Variants in PCDHA9 observed in about 807,000 individuals in gnomAD.
PCDHA9 encodes protocadherin alpha-9.
In PCDHA9, 62 loss-of-function variants were observed where a neutral mutation model predicts 62.0. The ratio of observed to expected loss-of-function variants is 1.00; its 90% confidence interval spans 0.81 to 1.23. PCDHA9 has a LOEUF of 1.23. PCDHA9 is among the 50% of genes most tolerant of loss of function. The pLI, the probability that PCDHA9 is intolerant of heterozygous loss-of-function variation, is 0.00. For missense variants in PCDHA9, 1,205 were observed against 1,249.8 expected (o/e 0.96, Z 0.54); for synonymous variants, 557 against 567.6 (o/e 0.98, Z 0.27).
rs530482397 is a variant in PCDHA9, at chr5:140,923,460, T to C, written c.2395-55489T>C. ...GGAGGATCACCTGAGCCCAGAGAGG[T>C]AGGGGCTGCAGTGAGCCATCTTCAC... On this transcript the variant is annotated intron_variant, in intron 1 of 3. Coordinates refer to ENST00000532602, the MANE Select transcript of PCDHA9 (RefSeq NM_031857.2). Among the ~76,000 whole-genome samples, 704 of 151,994 alleles carry C rather than the reference T, an allele frequency of 4.6e-3. 3 individuals carry two copies. Among genetic ancestry groups the C allele is most frequent in the African/African-American group, 0.016 (681 of 41,446 alleles).
In PCDHA9 at chr5:140,857,556, T is replaced by C. The variant is rs781993692; in HGVS notation, c.2394+6667T>C. ...GAGCGGCGGTTGGGCGAGCGCTCGC[T>C]GTCGAGCTACGTGTCGGTGCACGCG... On this transcript the variant is annotated intron_variant, in intron 1 of 3. Coordinates refer to ENST00000532602, the MANE Select transcript of PCDHA9 (RefSeq NM_031857.2). 6 of 1,596,822 alleles carry C rather than the reference T, an allele frequency of 3.8e-6. No homozygotes were observed. In the Admixed American group the frequency reaches 1.0e-4, roughly 27 times the overall value.
At chr5:140,892,980 G>A (rs568292110) in intron 1 of PCDHA9, among the ~76,000 whole-genome samples, 4 of 152,030 alleles carry the variant, frequency 2.6e-5, no homozygotes, top group Admixed American at 6.6e-5. Context: ...TGTAGCTGCC[G>A]TATAAGTGAG....
intron 1 of PCDHA9, chr5:140,968,662 C>CT (rs781816838): frequency 1.2e-6 from 2 of 1,614,158 alleles, no homozygotes; most frequent in South Asian, 2.2e-5. Context: ...ACCTGGACCT[C>CT]TTTAAGGTAG....
At chr5:140,980,684 GAAAA>G (rs782726576) in intron 2 of PCDHA9, among the ~76,000 whole-genome samples, 3 of 145,064 alleles carry the variant, frequency 2.1e-5, no homozygotes, top group Non-Finnish European at 4.6e-5. Flanking sequence ...TTTTCAAATT[GAAAA>G]AAAAAAGCCA....
intron 1 of PCDHA9, chr5:140,857,350 G>C: frequency 6.3e-7 from 1 of 1,598,502 alleles, no homozygotes; most frequent in Non-Finnish European, 8.6e-7. Context: ...CGCCTCCGCT[G>C]TGGGCCACGG....
At chr5:140,889,872 G>A (rs1554184085) in intron 1 of PCDHA9, among the ~76,000 whole-genome samples, 1 of 152,140 alleles carries the variant, frequency 6.6e-6, no homozygotes, top group South Asian at 2.1e-4. Flanking sequence ...GGGGAAGCCT[G>A]CCACCATGTA....
intron 1 of PCDHA9, among the ~76,000 whole-genome samples, chr5:140,891,611 T>G (rs1457156522): frequency 6.6e-6 from 1 of 152,226 alleles, no homozygotes; most frequent in East Asian, 1.9e-4. Context: ...TTTCTACCTT[T>G]TATTTTAACA....
chr5:140,868,810 G>A lies in PCDHA9; in HGVS notation c.2394+17921G>A, dbSNP rs944762063. On this transcript the variant is annotated intron_variant, in intron 1 of 3. Transcript: ENST00000532602. Reference sequence around the variant, plus strand: ...GAATATTCCATAAATAAGCACGTTGGAAATATTTGGGGGAAGAAACCCAAA... The same window carrying A: ...GAATATTCCATAAATAAGCACGTTGAAAATATTTGGGGGAAGAAACCCAAA... 1.0e-4 allele frequency: 38 copies of A among 369,934 alleles called. No homozygotes were observed. The Admixed American group carries it at 1.3e-3, about 12-fold the overall frequency. The allele number at this position is 369,934 out of a possible 1,614,324, so 22.9% of individuals were successfully genotyped here.
chr5:140,916,475 C>T (rs2077583115), intron 1 of PCDHA9, among the ~76,000 whole-genome samples: 1 of 152,206 alleles, frequency 6.6e-6, no homozygotes, highest in South Asian at 2.1e-4. Flanking sequence ...TTATTTGGTG[C>T]CCAAGGGCTC....
rs577931904 is a variant in PCDHA9 at position 140,968,275 on chromosome 5, G to A, written c.2395-10674G>A. On this transcript the variant is annotated intron_variant, in intron 1 of 3. Coordinates refer to ENST00000532602, the MANE Select transcript of PCDHA9 (RefSeq NM_031857.2). ...ACCCAGATGAAAAGGAGAATGCAGA[G>A]GTGACCTACTCCCTTCTGGAGAGGG... is the stretch of plus-strand genomic sequence containing the variant. The A allele has an allele frequency of 5.0e-6, 8 of 1,614,040 alleles. No individual in the cohort carries two copies. The African/African-American group carries it at 8.0e-5, about 16-fold the overall frequency.
At chr5:140,853,237 A>G (rs2042681652) in intron 1 of PCDHA9, 3 of 980,666 alleles carry the variant, frequency 3.1e-6, no homozygotes, top group African/African-American at 1.8e-5. Flanking sequence ...TTAGTCCTTC[A>G]TATTAATCTC....
At chr5:140,855,766 C>T in intron 1 of PCDHA9, 2 of 379,872 alleles carry the variant, frequency 5.3e-6, no homozygotes, top group South Asian at 9.3e-5. Flanking sequence ...AGTCCATAGA[C>T]ATAAAAATAC....
rs184181976 is a variant in PCDHA9, at chr5:141,009,882, A to C, written c.2798A>C (p.Lys933Thr). Reference protein sequence around the residue: ...KKKKKKKKGNKTQEKKEKGNS... With the variant: ...KKKKKKKKGNTTQEKKEKGNS... Reference sequence around the variant, plus strand: ...AAGAAGAAAAAGAAGAAGGGTAACAAGACCCAGGAGAAAAAAGAGAAAGGG... The same window carrying C: ...AAGAAGAAAAAGAAGAAGGGTAACACGACCCAGGAGAAAAAAGAGAAAGGG... The change falls in exon 4 of 4, where the codon AAG becomes ACG. Residue 933 changes from lysine (K) to threonine (T), a missense_variant. Physicochemically the swap from Lys to Thr is moderately conservative, Grantham distance 78. Transcript: ENST00000532602. 6.2e-7 allele frequency: 1 copy of C among 1,613,488 alleles called. No homozygotes were observed. Among genetic ancestry groups the C allele is most frequent in the Non-Finnish European group, 8.5e-7 (1 of 1,179,914 alleles).
chr5:140,941,438 C>T (rs1408570275), intron 1 of PCDHA9, among the ~76,000 whole-genome samples: 4 of 150,764 alleles, frequency 2.7e-5, no homozygotes, highest in African/African-American at 7.3e-5. Context: ...GCCTCAGCCT[C>T]GGGAGTAGCT....
intron 3 of PCDHA9, among the ~76,000 whole-genome samples, chr5:141,002,222 G>A (rs1278350490): frequency 2.0e-5 from 3 of 152,212 alleles, no homozygotes; most frequent in Non-Finnish European, 4.4e-5. Context: ...AAAATGATGG[G>A]TTTTCTGGAA....
intron 1 of PCDHA9, among the ~76,000 whole-genome samples, chr5:140,956,546 G>A (rs1330264002): frequency 1.3e-5 from 2 of 152,158 alleles, no homozygotes; most frequent in Non-Finnish European, 2.9e-5. Flanking sequence ...GCTGGATTTG[G>A]TTTGCCAGTA....
intron 1 of PCDHA9, among the ~76,000 whole-genome samples, chr5:140,872,716 A>G (rs1309493361): frequency 6.6e-6 from 1 of 152,266 alleles, no homozygotes; most frequent in Non-Finnish European, 1.5e-5. Context: ...AACTAGGTAA[A>G]TAAAATTATT....
chr5:140,980,695 G>A (rs1403740157), intron 2 of PCDHA9, among the ~76,000 whole-genome samples: 1 of 149,792 alleles, frequency 6.7e-6, no homozygotes, highest in Non-Finnish European at 1.5e-5. Context: ...AAAAAAAAAA[G>A]CCAAATGTGC....
At chr5:141,000,389 CTCTCTCTATA>C (rs1363755181) in intron 3 of PCDHA9, among the ~76,000 whole-genome samples, 150 of 62,510 alleles carry the variant, frequency 2.4e-3, no homozygotes, top group African/African-American at 5.3e-3. Context: ...CTCTCTCTCT[CTCTCTCTATA>C]TATATATATA....
Sources: allele counts gnomAD v4.1 joint callset (sites outside exome capture counted in the v4.1 genomes callset), GRCh38; gene constraint gnomAD v4.1.1; transcripts MANE v1.5; gene names NCBI Gene and HGNC (gene_info 2026-07-23, HGNC 2026-07-21).